Variants in ARHGEF18 observed in about 807,000 individuals in gnomAD.
ARHGEF18 encodes Rho/Rac guanine nucleotide exchange factor 18, also known as rho guanine nucleotide exchange factor 18.
A neutral mutation model predicts 155.7 loss-of-function variants in ARHGEF18; 93 were observed. That is an observed-to-expected ratio of 0.60 (90% confidence interval 0.50 to 0.71). The LOEUF is 0.71. Ranked by LOEUF, ARHGEF18 falls within the 30% of genes least tolerant of loss-of-function variation. The pLI, the probability that ARHGEF18 is intolerant of heterozygous loss-of-function variation, is 0.00. For missense variants in ARHGEF18, 1,593 were observed against 1,816.1 expected, an observed-to-expected ratio of 0.88 and a Z score of 2.23; for synonymous variants, 742 against 753.1, an observed-to-expected ratio of 0.99 and a Z score of 0.24.
intron 2 of ARHGEF18, among the ~76,000 whole-genome samples, chr19:7,363,349 A>T (rs1156770138): frequency 6.6e-6 from 1 of 151,950 alleles, no homozygotes; most frequent in East Asian, 1.9e-4. Flanking sequence ...ATGATGGGTG[A>T]ATAAAAAGAA....
At chr19:7,427,965 G>A (rs529784130) in intron 10 of ARHGEF18, among the ~76,000 whole-genome samples, 18 of 151,996 alleles carry the variant, frequency 1.2e-4, no homozygotes, top group Non-Finnish European at 1.9e-4. Flanking sequence ...AAGAAAAAGA[G>A]GGAGAGAAAA....
At chr19:7,359,944 C>T (rs1467184912) in intron 1 of ARHGEF18, among the ~76,000 whole-genome samples, 1 of 152,082 alleles carries the variant, frequency 6.6e-6, no homozygotes, top group African/African-American at 2.4e-5. Context: ...CATATGAGAC[C>T]AGGAGTTCGA....
At chr19:7,479,954 T>TA in the ARHGEF18 span, among the ~76,000 whole-genome samples, 5 of 152,134 alleles carry the variant, frequency 3.3e-5, no homozygotes, top group South Asian at 1.0e-3. Context: ...GCCATGAGCC[T>TA]AAAACTGCTC....
At chr19:7,366,276 A>G (rs1164821567) in intron 2 of ARHGEF18, among the ~76,000 whole-genome samples, 1 of 152,192 alleles carries the variant, frequency 6.6e-6, no homozygotes, top group African/African-American at 2.4e-5. Context: ...CTGAAGGCCA[A>G]TCACTGCCCT....
chr19:7,361,491 T>G (rs948316019), intron 1 of ARHGEF18, among the ~76,000 whole-genome samples: 1 of 152,152 alleles, frequency 6.6e-6, no homozygotes, highest in Non-Finnish European at 1.5e-5. Context: ...TAGATTAGCA[T>G]GTACTCCAGC....
downstream of ARHGEF18, among the ~76,000 whole-genome samples, chr19:7,475,934 C>T (rs540578836): frequency 3.3e-5 from 5 of 152,216 alleles, no homozygotes; most frequent in African/African-American, 1.2e-4. Context: ...CTGGCCCACT[C>T]GTGAGTCCTG....
chr19:7,375,615 TG>T, intron 3 of ARHGEF18, 104 bp from the exon 4 acceptor site: 1 of 1,140,240 alleles, frequency 8.8e-7, no homozygotes, highest in Non-Finnish European at 1.1e-6. Context: ...TTCCTTGTCC[TG>T]GAAGGGCCCC....
At chr19:7,417,655 C>T (rs191227539) in intron 10 of ARHGEF18, among the ~76,000 whole-genome samples, 2 of 152,282 alleles carry the variant, frequency 1.3e-5, no homozygotes, top group East Asian at 1.9e-4. Context: ...TGAGATCGCA[C>T]CATTGTACTC....
chr19:7,397,835 C>T (rs1162282801), intron 10 of ARHGEF18, among the ~76,000 whole-genome samples: 1 of 151,796 alleles, frequency 6.6e-6, no homozygotes, highest in Non-Finnish European at 1.5e-5. Context: ...TCCCAAAGTG[C>T]TAGGATTACA....
chr19:7,387,715 G>A (rs912547636), intron 10 of ARHGEF18, among the ~76,000 whole-genome samples: 1 of 151,986 alleles, frequency 6.6e-6, no homozygotes, highest in Non-Finnish European at 1.5e-5. Flanking sequence ...TGTCGCCCAC[G>A]CCAGAGTGCA....
intron 1 of ARHGEF18, among the ~76,000 whole-genome samples, chr19:7,360,532 G>A (rs183270462): frequency 2.0e-5 from 3 of 152,202 alleles, no homozygotes; most frequent in East Asian, 3.9e-4. Context: ...CACTGGGCCC[G>A]GCCAACCCTG....
rs566030185 is a variant in ARHGEF18, at chr19:7,453,381, A to T, written c.1856-86A>T. ...CATAGTGTGTCCACACACCTCATAGATCCACATGTCCATACATAGTGAGTG... is the reference window on the plus strand; with the variant it reads ...CATAGTGTGTCCACACACCTCATAGTTCCACATGTCCATACATAGTGAGTG... On this transcript the variant is annotated intron_variant, in intron 16 of 28. Coordinates refer to ENST00000668164, the MANE Select transcript of ARHGEF18 (RefSeq NM_001367823.1). 57 of 1,251,050 alleles carry T rather than the reference A, an allele frequency of 4.6e-5. No homozygotes were observed. In the African/African-American group the frequency reaches 1.4e-3, roughly 31 times the overall value. The allele number at this position is 1,251,050 out of a possible 1,614,324, so 77.5% of individuals were successfully genotyped here.
rs897707705 is a variant in ARHGEF18, at chr19:7,467,407, A to G, written c.3203A>G (p.Gln1068Arg). 6.5e-7 allele frequency: 1 copy of G among 1,532,686 alleles called. No individual in the cohort carries two copies. The allele number at this position is 1,532,686 out of a possible 1,614,324, so 94.9% of individuals were successfully genotyped here. A position where few individuals can be genotyped will look rare whatever the true frequency, so the allele number is the denominator to read the frequency against. ...CAGAGCCAGCTGCGGCACGAGCAGC[A>G]GCGCTGGGAGCGCGAGCGCCAGTGG... is the stretch of plus-strand genomic sequence containing the variant. The part of the protein sequence containing the change: ...KLQSQLRHEQ[Q>R]RWERERQWQH... The change falls in exon 26 of 29, where the codon CAG becomes CGG. Residue 1068 changes from glutamine (Q) to arginine (R), a missense_variant. Physicochemically the swap from Gln to Arg is conservative, Grantham distance 43 (BLOSUM62 1). Coordinates refer to ENST00000668164, the MANE Select transcript of ARHGEF18 (RefSeq NM_001367823.1).
chr19:7,362,166 GGAGAAGAAGGAGAAGA>G (rs1969637401), intron 1 of ARHGEF18, among the ~76,000 whole-genome samples: 1 of 41,638 alleles, frequency 2.4e-5, no homozygotes, highest in Admixed American at 2.5e-4. Flanking sequence ...AGGAGAAGAA[GGAGAAGAAGGAGAAGA>G]AGGAGAAGAA....
intron 10 of ARHGEF18, among the ~76,000 whole-genome samples, chr19:7,408,041 G>T (rs1461585895): frequency 1.3e-5 from 2 of 151,476 alleles, no homozygotes; most frequent in African/African-American, 4.9e-5. Flanking sequence ...CATTTCAGGA[G>T]GCAGAGGTGG....
intron 10 of ARHGEF18, among the ~76,000 whole-genome samples, chr19:7,425,685 A>AG (rs796665849): frequency 0.011 from 1,603 of 149,852 alleles, 42 homozygotes; most frequent in African/African-American, 0.036. Flanking sequence ...CCGTCTCAAA[A>AG]AAAAAAAAAA....
At chr19:7,420,442 G>A (rs1001829824) in intron 10 of ARHGEF18, among the ~76,000 whole-genome samples, 5 of 151,790 alleles carry the variant, frequency 3.3e-5, no homozygotes, top group Non-Finnish European at 7.4e-5. Flanking sequence ...TAGTAGAGAC[G>A]TGGTTTCATC....
At chr19:7,461,349 G>A (rs984427429) in intron 20 of ARHGEF18, among the ~76,000 whole-genome samples, 1 of 152,080 alleles carries the variant, frequency 6.6e-6, no homozygotes, top group African/African-American at 2.4e-5. Flanking sequence ...AGGAGTTTGA[G>A]ACCAGCCTGG....
At chr19:7,382,414 CTAAA>C (rs755369531) in intron 8 of ARHGEF18, among the ~76,000 whole-genome samples, 12 of 110,458 alleles carry the variant, frequency 1.1e-4, no homozygotes, top group Admixed American at 4.6e-4. Flanking sequence ...AACAAAATAA[CTAAA>C]TAAATAAATA....
Sources: gnomAD v4.1 joint callset for allele counts (sites outside exome capture counted in the v4.1 genomes callset) on GRCh38, gnomAD v4.1.1 for gene constraint, MANE v1.5 for transcripts, NCBI Gene and HGNC (gene_info 2026-07-23, HGNC 2026-07-21) for gene names.